MOBP: variants seen among roughly 807,000 people sequenced by gnomAD.
MOBP encodes myelin associated oligodendrocyte basic protein.
In MOBP, 5 loss-of-function variants were observed where a neutral mutation model predicts 15.0. The ratio of observed to expected loss-of-function variants is 0.33; its 90% CI spans 0.17 to 0.70. The LOEUF (loss-of-function observed/expected upper bound fraction) is 0.70, where lower values mean the gene tolerates loss of function less well. Among genes scored for constraint, MOBP ranks in the 30% least tolerant of loss-of-function variants. The pLI is 0.67. For missense variants in MOBP, 188 were observed against 257.8 expected, an observed-to-expected ratio of 0.73 and a Z score of 1.85; for synonymous variants, 88 against 99.0, an observed-to-expected ratio of 0.89 and a Z score of 0.66.
Position 39,491,969 on chromosome 3 carries a change from C to T in MOBP, c.-4-10097C>T, listed in dbSNP as rs551677851. On this transcript the variant is annotated intron_variant, in intron 2 of 3. Transcript: ENST00000684792. ...TCAACAGGAATAGTGTAGTGGGGGC[C>T]CTGCAAGCCTCTAGAAAAGGCTGCC... Among the ~76,000 whole-genome samples, 3 of 152,170 alleles carry T rather than the reference C, an allele frequency of 2.0e-5. No homozygotes were observed. The East Asian group carries it at 5.8e-4, about 29-fold the overall frequency.
intron 2 of MOBP, among the ~76,000 whole-genome samples, chr3:39,501,198 A>G (rs568173773): frequency 6.6e-6 from 1 of 152,240 alleles, no homozygotes; most frequent in South Asian, 2.1e-4. Context: ...ATTGGCCAAC[A>G]TAACAGTGTT....
At chr3:39,526,117 A>G (rs1006954288), downstream of MOBP, 1 of 152,248 alleles carries the variant, frequency 6.6e-6, no homozygotes, top group Non-Finnish European at 1.5e-5. Flanking sequence ...CCCACACCAA[A>G]TAAGAAATTT....
downstream of MOBP, chr3:39,527,171 C>T (rs1446414943): frequency 6.6e-6 from 1 of 152,182 alleles, no homozygotes; most frequent in East Asian, 1.9e-4. Flanking sequence ...AAGAGAAGCA[C>T]ACAATTGACT....
intron 2 of MOBP, among the ~76,000 whole-genome samples, chr3:39,498,035 G>A (rs614359): frequency 0.28 from 42,000 of 152,138 alleles, 6,946 homozygotes; most frequent in African/African-American, 0.46. Context: ...GTACCCATCC[G>A]GTTAGGTTAC....
At position 39,502,766 on chromosome 3, in the gene MOBP, G is replaced by T. The variant is rs1172728351; in HGVS notation, c.438G>T (p.Pro146=). 2.0e-6 allele frequency: 3 copies of T among 1,535,530 alleles called. No individual in the cohort carries two copies. The highest frequency in any genetic ancestry group is 2.6e-6 in the Non-Finnish European group (3 of 1,146,716). ...GTCCCCGCCCAGAGGTCCGACCACC[G>T]CCAGCCAAGCAGCGTCCCCCTCAGA... ...QPRPRPEVRP[P]PAKQRPPQKS... is the part of the protein sequence containing the mutation. Residue 146 remains proline (P), a synonymous_variant, in exon 4 of 4, where the codon CCG becomes CCT. Transcript: ENST00000684792. The surrounding 1 kb of genome is among the most constrained non-coding windows in gnomAD (Gnocchi z 6.3).
chr3:39,526,679 C>T (rs1270164636), downstream of MOBP: 1 of 151,908 alleles, frequency 6.6e-6, no homozygotes. Flanking sequence ...CTCGTAAATA[C>T]CCAACAACTG....
chr3:39,524,696 A>G (rs1264517059), exon 5 of MOBP: 7 of 152,206 alleles, frequency 4.6e-5, no homozygotes, highest in African/African-American at 9.7e-5. Context: ...TTAGGCACCC[A>G]TCCTAGAGAA....
chr3:39,503,720 AC>A (rs1334452759), downstream of MOBP, among the ~76,000 whole-genome samples: 1 of 151,502 alleles, frequency 6.6e-6, no homozygotes, highest in Non-Finnish European at 1.5e-5. Context: ...AACTTTTTAG[AC>A]CTTTTACTAT....
At chr3:39,518,656 C>T (rs900018831), downstream of MOBP, among the ~76,000 whole-genome samples, 1 of 152,138 alleles carries the variant, frequency 6.6e-6, no homozygotes, top group African/African-American at 2.4e-5. Flanking sequence ...CCAGGCAGTT[C>T]TACTTGATTA....
chr3:39,481,696 C>T (rs1328039664), intron 2 of MOBP, among the ~76,000 whole-genome samples: 1 of 152,142 alleles, frequency 6.6e-6, no homozygotes, highest in East Asian at 1.9e-4. Context: ...TATCTTTAGT[C>T]ACTATTCCCT....
chr3:39,495,417 T>G (rs1393436504), intron 2 of MOBP, among the ~76,000 whole-genome samples: 3 of 151,390 alleles, frequency 2.0e-5, no homozygotes, highest in Admixed American at 6.6e-5. Flanking sequence ...TAGCCATAAA[T>G]GTACATATAT....
intron 3 of MOBP, among the ~76,000 whole-genome samples, chr3:39,523,185 C>G (rs891634379): frequency 6.6e-6 from 1 of 152,196 alleles, no homozygotes; most frequent in African/African-American, 2.4e-5. Flanking sequence ...ATCAACTAAT[C>G]AAAAATCCTT....
intron 1 of MOBP, among the ~76,000 whole-genome samples, chr3:39,473,980 T>C (rs951250735): frequency 1.1e-4 from 16 of 152,136 alleles, no homozygotes; most frequent in African/African-American, 3.9e-4. Flanking sequence ...GCTGGGGAGG[T>C]ATTTCTGGAA....
intron 3 of MOBP, among the ~76,000 whole-genome samples, chr3:39,522,434 G>A (rs1430678062): frequency 1.3e-5 from 2 of 152,104 alleles, no homozygotes; most frequent in Non-Finnish European, 2.9e-5. Flanking sequence ...CCTTGATGTT[G>A]TCCCTCATTT....
At chr3:39,475,778 A>G (rs553509834) in intron 1 of MOBP, among the ~76,000 whole-genome samples, 7 of 152,060 alleles carry the variant, frequency 4.6e-5, no homozygotes, top group Non-Finnish European at 7.4e-5. Context: ...TGACATCACA[A>G]TTTTTTCCAG....
At chr3:39,503,462 C>T (rs75428785), downstream of MOBP, among the ~76,000 whole-genome samples, 4,441 of 151,972 alleles carry the variant, frequency 0.029, 211 homozygotes, top group African/African-American at 0.095. Context: ...TAGGTGTCAT[C>T]GTGTAGGGAT....
intron 2 of MOBP, among the ~76,000 whole-genome samples, chr3:39,496,095 T>G (rs769181425): frequency 1.3e-5 from 2 of 152,148 alleles, no homozygotes; most frequent in African/African-American, 2.4e-5. Context: ...TAACTGTATA[T>G]TTACAGGTAA....
intron 1 of MOBP, among the ~76,000 whole-genome samples, 191 bp downstream of exon 1, chr3:39,467,931 G>A (rs930311343): frequency 5.3e-5 from 8 of 152,138 alleles, no homozygotes; most frequent in Non-Finnish European, 1.0e-4. Context: ...TCTGATGTGG[G>A]CAGGGGGCCT....
chr3:39,478,201 A>G (rs2042569251), intron 1 of MOBP, among the ~76,000 whole-genome samples: 1 of 152,212 alleles, frequency 6.6e-6, no homozygotes, highest in Non-Finnish European at 1.5e-5. Flanking sequence ...AGTGCCCTAT[A>G]TAGCTGTACC....
Sources: gnomAD v4.1 joint callset for allele counts (sites outside exome capture counted in the v4.1 genomes callset) on GRCh38, gnomAD v4.1.1 for gene constraint, Gnocchi (gnomAD v3.1) non-coding constraint, MANE v1.5 for transcripts, NCBI Gene and HGNC (gene_info 2026-07-23, HGNC 2026-07-21) for gene names.